The following ERC2 variants were observed in gnomAD, a reference collection of about 807,000 sequenced individuals.
ERC2 encodes ELKS/RAB6-interacting/CAST family member 2.
In ERC2, 42 loss-of-function variants were observed where a neutral mutation model predicts 114.8. The observed-to-expected ratio is 0.37, with a 90% CI of 0.29 to 0.47. The LOEUF (loss-of-function observed/expected upper bound fraction) is 0.47. Among genes scored for constraint, ERC2 ranks in the 20% least tolerant of loss-of-function variants. ERC2 has a pLI of 0.99. For missense variants in ERC2, 939 were observed against 1,150.7 expected (o/e 0.82, Z 2.66); for synonymous variants, 454 against 425.5 (o/e 1.07, Z -0.82).
chr3:55,576,750 C>T (rs919661325), intron 17 of ERC2, among the ~76,000 whole-genome samples: 8 of 152,268 alleles, frequency 5.3e-5, no homozygotes, highest in Non-Finnish European at 8.8e-5. Flanking sequence ...GCCCCGTCCT[C>T]GTGCCTAGCC....
intron 14 of ERC2, among the ~76,000 whole-genome samples, chr3:55,808,771 T>C (rs1417062050): frequency 7.1e-6 from 1 of 141,738 alleles, no homozygotes; most frequent in Non-Finnish European, 1.5e-5. Context: ...TATATATATA[T>C]ATATAATTGT....
At chr3:56,406,174 TAAG>T (rs2060719249) in intron 2 of ERC2, among the ~76,000 whole-genome samples, 1 of 152,254 alleles carries the variant, frequency 6.6e-6, no homozygotes, top group Admixed American at 6.5e-5. Flanking sequence ...ATTACAGGCG[TAAG>T]CCACTATGCC....
chr3:56,382,526 A>G (rs765814986), intron 2 of ERC2, among the ~76,000 whole-genome samples: 2 of 152,152 alleles, frequency 1.3e-5, no homozygotes, highest in East Asian at 3.8e-4. Context: ...AATAAATCCA[A>G]TGGTCAATTT....
intron 10 of ERC2, among the ~76,000 whole-genome samples, 188 bp from the exon 11 acceptor site, chr3:55,992,438 T>C (rs1245639747): frequency 6.6e-6 from 1 of 152,168 alleles, no homozygotes; most frequent in Non-Finnish European, 1.5e-5. Flanking sequence ...ATGCTGATTT[T>C]AAAATAATAT....
chr3:55,991,168 A>G (rs2071031814), intron 11 of ERC2, among the ~76,000 whole-genome samples: 2 of 152,188 alleles, frequency 1.3e-5, no homozygotes, highest in Admixed American at 6.5e-5. Context: ...TACTCTGTGT[A>G]TGTCTTGAAG....
chr3:55,580,059 T>G (rs2057181942), intron 17 of ERC2, among the ~76,000 whole-genome samples: 1 of 152,194 alleles, frequency 6.6e-6, no homozygotes, highest in African/African-American at 2.4e-5. Context: ...TATGATAGTT[T>G]GGGATGATTG....
intron 14 of ERC2, among the ~76,000 whole-genome samples, chr3:55,875,639 C>T (rs1453046183): frequency 2.0e-5 from 3 of 151,838 alleles, no homozygotes; most frequent in African/African-American, 7.3e-5. Context: ...CACCTCATTC[C>T]CCAGGCAAAA....
intron 2 of ERC2, among the ~76,000 whole-genome samples, chr3:56,367,503 T>C (rs755964802): frequency 1.3e-5 from 2 of 152,034 alleles, no homozygotes; most frequent in Non-Finnish European, 2.9e-5. Context: ...CCCTTCCTTT[T>C]CCCAACAACT....
rs2055145139 is a variant in ERC2 at position 56,292,387 on chromosome 3, G to A, written c.1074+3632C>T. Among the ~76,000 whole-genome samples, 3 of 150,532 alleles carry A rather than the reference G, an allele frequency of 2.0e-5. 1 individual carries two copies. The South Asian group carries it at 6.4e-4, about 32-fold the overall frequency. ...TCGCTTGAGCTCAGGAGCCTAGCCT[G>A]GGCAACATGGTGAAACCCCGTCTGT... is the stretch of plus-strand genomic sequence containing the variant. On this transcript the variant is annotated intron_variant, in intron 3 of 17. Transcript: ENST00000288221.
chr3:56,215,258 T>C (rs1324152326), intron 3 of ERC2, among the ~76,000 whole-genome samples: 1 of 152,076 alleles, frequency 6.6e-6, no homozygotes, highest in African/African-American at 2.4e-5. Flanking sequence ...ATCTCATGTG[T>C]AGAGACACAC....
intron 14 of ERC2, among the ~76,000 whole-genome samples, chr3:55,879,190 G>T (rs548579049): frequency 7.3e-6 from 1 of 137,560 alleles, no homozygotes; most frequent in Non-Finnish European, 1.5e-5. Context: ...TTTCATCTAC[G>T]TGACAGGGCA....
intron 13 of ERC2, among the ~76,000 whole-genome samples, chr3:55,946,516 C>G (rs565900408): frequency 2.6e-4 from 39 of 152,190 alleles, no homozygotes; most frequent in Non-Finnish European, 5.0e-4. Context: ...TTATCAGTCT[C>G]TCTGGGAGAA....
At chr3:55,583,218 T>C (rs1410777748) in intron 17 of ERC2, among the ~76,000 whole-genome samples, 1 of 152,120 alleles carries the variant, frequency 6.6e-6, no homozygotes, top group Non-Finnish European at 1.5e-5. Context: ...GTCACATTCT[T>C]ACCCACCAAA....
intron 14 of ERC2, among the ~76,000 whole-genome samples, chr3:55,750,299 T>C (rs755325): frequency 0.22 from 33,870 of 152,150 alleles, 4,359 homozygotes; most frequent in African/African-American, 0.31. Context: ...AAGGCATAAG[T>C]AAAGTACGTT....
intron 17 of ERC2, among the ~76,000 whole-genome samples, chr3:55,515,879 T>G (rs1314994462): frequency 6.6e-6 from 1 of 152,192 alleles, no homozygotes; most frequent in Non-Finnish European, 1.5e-5. Flanking sequence ...CAGTAGTGAT[T>G]TGCAGAAACA....
At chr3:56,368,423 A>G (rs1396795896) in intron 2 of ERC2, among the ~76,000 whole-genome samples, 1 of 152,194 alleles carries the variant, frequency 6.6e-6, no homozygotes, top group African/African-American at 2.4e-5. Flanking sequence ...ACTTGACCAT[A>G]ATACAGTCAT....
At chr3:55,773,490 C>T (rs1322449022) in intron 14 of ERC2, among the ~76,000 whole-genome samples, 2 of 152,214 alleles carry the variant, frequency 1.3e-5, no homozygotes, top group African/African-American at 4.8e-5. Flanking sequence ...TTAAATCATA[C>T]ACAATTTCCT....
At chr3:56,007,525 G>A (rs932229523) in intron 9 of ERC2, among the ~76,000 whole-genome samples, 1 of 152,056 alleles carries the variant, frequency 6.6e-6, no homozygotes, top group African/African-American at 2.4e-5. Flanking sequence ...TCTAATTGCC[G>A]TAGAATCAAA....
chr3:55,925,727 C>T (rs2065708064), intron 13 of ERC2, among the ~76,000 whole-genome samples: 1 of 152,148 alleles, frequency 6.6e-6, no homozygotes, highest in Non-Finnish European at 1.5e-5. Flanking sequence ...TTGGAAATAT[C>T]CCAGTAACAA....
Sources: allele counts gnomAD v4.1 joint callset (sites outside exome capture counted in the v4.1 genomes callset), GRCh38; gene constraint gnomAD v4.1.1; transcripts MANE v1.5; gene names NCBI Gene and HGNC (gene_info 2026-07-23, HGNC 2026-07-21).